CFAP20DC: variants seen among roughly 807,000 people sequenced by gnomAD.
CFAP20DC encodes the protein CFAP20 domain containing, also known as protein CFAP20DC.
CFAP20DC carries 84 observed loss-of-function variants against 101.7 expected under a neutral mutation model. The ratio of observed to expected loss-of-function variants is 0.83; its 90% confidence interval spans 0.69 to 0.99. The LOEUF (loss-of-function observed/expected upper bound fraction) is 0.99, where lower values mean the gene tolerates loss of function less well. CFAP20DC is among the 50% of genes least tolerant of loss of function. CFAP20DC has a pLI of 0.00. For missense variants in CFAP20DC, 1,007 were observed against 970.3 expected (o/e 1.04, Z -0.50); for synonymous variants, 359 against 351.2 (o/e 1.02, Z -0.25).
chr3:58,735,260 T>G (rs75409406), intron 3 of CFAP20DC, among the ~76,000 whole-genome samples: 392 of 152,314 alleles, frequency 2.6e-3, no homozygotes, highest in African/African-American at 8.2e-3. Flanking sequence ...ACATAGCATA[T>G]AATCTGACAC....
At chr3:58,870,132 G>C (rs1390168380) in intron 8 of CFAP20DC, 41 bp downstream of exon 8, 1 of 1,588,220 alleles carries the variant, frequency 6.3e-7, no homozygotes, top group African/African-American at 1.4e-5. Context: ...CCCTTACCAG[G>C]TCACTTGTGC....
At chr3:59,043,657 T>C (rs1488477077) in intron 3 of CFAP20DC, among the ~76,000 whole-genome samples, 2 of 151,124 alleles carry the variant, frequency 1.3e-5, no homozygotes, top group Non-Finnish European at 3.0e-5. Flanking sequence ...GAGAAAACAA[T>C]GGTTTCAAAC....
Position 58,870,154 on chromosome 3 carries a change from C to G in CFAP20DC, c.852+19G>C. The G allele has an allele frequency of 6.6e-7, 1 of 1,525,296 alleles. No individual in the cohort carries two copies. The highest frequency in any genetic ancestry group is 8.9e-7 in the Non-Finnish European group (1 of 1,124,218). 94.5% of individuals were successfully genotyped at this position (1,525,296 alleles called of 1,614,324 possible). On this transcript the variant is annotated intron_variant, in intron 8 of 16. Coordinates refer to ENST00000482387, the MANE Select transcript of CFAP20DC (RefSeq NM_001394063.1). ...CAGGTCACTTGTGCTTAGATAAGCT[C>G]TCCAAACCTTGCTCCTACCTCGCTG...
intron 6 of CFAP20DC, among the ~76,000 whole-genome samples, chr3:58,902,030 T>G (rs1336098017): frequency 1.3e-5 from 2 of 152,260 alleles, no homozygotes; most frequent in Non-Finnish European, 2.9e-5. Context: ...CCTTTTTTTG[T>G]CTGGCTTCTT....
chr3:58,755,276 A>G (rs1276569127), intron 15 of CFAP20DC, among the ~76,000 whole-genome samples: 1 of 152,144 alleles, frequency 6.6e-6, no homozygotes, highest in African/African-American at 2.4e-5. Flanking sequence ...ATAATAACAC[A>G]TTAAGGGCAT....
chr3:58,772,026 G>C (rs2070894401), intron 15 of CFAP20DC, among the ~76,000 whole-genome samples: 1 of 152,086 alleles, frequency 6.6e-6, no homozygotes, highest in Non-Finnish European at 1.5e-5. Context: ...TTGACTCATG[G>C]ACCCCAGCAA....
At chr3:58,966,599 C>G (rs953827607) in intron 4 of CFAP20DC, among the ~76,000 whole-genome samples, 5 of 151,314 alleles carry the variant, frequency 3.3e-5, no homozygotes, top group Admixed American at 3.3e-4. Context: ...TCTCAGCTCA[C>G]TATAACCTCA....
chr3:58,758,186 A>G (rs1020770402), intron 15 of CFAP20DC, among the ~76,000 whole-genome samples: 2 of 152,094 alleles, frequency 1.3e-5, no homozygotes, highest in Non-Finnish European at 2.9e-5. Flanking sequence ...TATGTTTAAT[A>G]ATTTTATTTT....
intron 4 of CFAP20DC, among the ~76,000 whole-genome samples, chr3:58,997,273 T>C (rs1201404679): frequency 6.6e-6 from 1 of 152,236 alleles, no homozygotes; most frequent in Non-Finnish European, 1.5e-5. Flanking sequence ...AAATAAGTAC[T>C]ATTAATATTA....
chr3:58,739,705 A>C (rs1427419133), downstream of CFAP20DC, among the ~76,000 whole-genome samples: 1 of 152,166 alleles, frequency 6.6e-6, no homozygotes, highest in Non-Finnish European at 1.5e-5. Flanking sequence ...GAACCTGGGC[A>C]TCGGTATTTT....
At chr3:58,993,236 T>C (rs2092999920) in intron 4 of CFAP20DC, among the ~76,000 whole-genome samples, 1 of 151,988 alleles carries the variant, frequency 6.6e-6, no homozygotes, top group African/African-American at 2.4e-5. Flanking sequence ...TACATATTTC[T>C]TTTTTTTGTA....
intron 6 of CFAP20DC, among the ~76,000 whole-genome samples, chr3:58,898,345 T>G (rs2082846922): frequency 6.6e-6 from 1 of 152,082 alleles, no homozygotes; most frequent in South Asian, 2.1e-4. Context: ...CGGCTAATTT[T>G]TGTATTTTTA....
At chr3:58,942,352 C>T (rs2088725746) in intron 4 of CFAP20DC, among the ~76,000 whole-genome samples, 1 of 152,134 alleles carries the variant, frequency 6.6e-6, no homozygotes, top group East Asian at 1.9e-4. Flanking sequence ...CAGGTGATTT[C>T]TGCATTTCCA....
At position 58,870,053 on chromosome 3, in the gene CFAP20DC, GTGTCTGTCTGTC is replaced by G. The variant is rs10670247; in HGVS notation, c.852+108_852+119del. 1.3e-4 allele frequency: 123 copies of G among 915,596 alleles called. No homozygotes were observed. The African/African-American group carries it at 1.9e-3, about 14-fold the overall frequency. 56.7% of individuals were successfully genotyped at this position (915,596 alleles called of 1,614,324 possible). A position where few individuals can be genotyped will look rare whatever the true frequency, so the allele number is the denominator to read the frequency against. The stretch of plus-strand genomic sequence containing the variant: ...TCAAGCCTTCTGCTTTTGGCATGTA[GTGTCTGTCTGTC>G]TGTCTGTCTGTCTGTCTTTCCCTCC... On this transcript the variant is annotated intron_variant, in intron 8 of 16. Transcript: ENST00000482387.
At chr3:58,852,903 C>G (rs2078386102) in intron 12 of CFAP20DC, among the ~76,000 whole-genome samples, 1 of 150,788 alleles carries the variant, frequency 6.6e-6, no homozygotes, top group East Asian at 1.9e-4. Flanking sequence ...AAATTGACAC[C>G]CTAACATCAC....
chr3:58,931,468 C>T (rs556008245), intron 5 of CFAP20DC, among the ~76,000 whole-genome samples: 40 of 152,320 alleles, frequency 2.6e-4, no homozygotes, highest in African/African-American at 7.7e-4. Context: ...CAGACTGCCT[C>T]CTCAAGTGGG....
rs375300315 is a variant in CFAP20DC, at chr3:58,742,584, G to C, written c.2333-12C>G. 1.9e-6 allele frequency: 3 copies of C among 1,584,694 alleles called. No homozygotes were observed. The highest frequency in any genetic ancestry group is 1.4e-5 in the African/African-American group (1 of 73,992). ...GAGGTCTTCTTCACCTGTGGGGAAG[G>C]GGAACCACAGACACATTAGCTGTTG... On this transcript the variant is annotated splice_polypyrimidine_tract_variant and intron_variant, in intron 16 of 16. Transcript: ENST00000482387.
In CFAP20DC at chr3:58,843,313, C is replaced by G. The variant is rs1039734804; in HGVS notation, c.1971+5719G>C. Among the ~76,000 whole-genome samples, 30 of 151,818 alleles carry G rather than the reference C, an allele frequency of 2.0e-4. No individual in the cohort carries two copies. In the East Asian group the frequency reaches 2.5e-3, roughly 13 times the overall value. On this transcript the variant is annotated intron_variant, in intron 13 of 16. Coordinates refer to ENST00000482387, the MANE Select transcript of CFAP20DC (RefSeq NM_001394063.1). Reference sequence around the variant, plus strand: ...CTAGAATAACCAATACAGAGAAGTGCTTAAAGGAGCTGATGGAGCTGAAAA... The same window carrying G: ...CTAGAATAACCAATACAGAGAAGTGGTTAAAGGAGCTGATGGAGCTGAAAA...
chr3:58,775,155 T>C (rs2071208871), intron 15 of CFAP20DC, among the ~76,000 whole-genome samples: 1 of 152,092 alleles, frequency 6.6e-6, no homozygotes, highest in Non-Finnish European at 1.5e-5. Flanking sequence ...GAGACATCAA[T>C]CAATATGAGT....
Sources: gnomAD v4.1 joint callset for allele counts (sites outside exome capture counted in the v4.1 genomes callset) on GRCh38, gnomAD v4.1.1 for gene constraint, MANE v1.5 for transcripts, NCBI Gene and HGNC (gene_info 2026-07-23, HGNC 2026-07-21) for gene names.